The following FDFT1 variants were observed in gnomAD, a reference collection of about 807,000 sequenced individuals.
FDFT1 encodes squalene synthase.
Under a neutral mutation model 46.8 loss-of-function variants are expected in FDFT1, and 68 were observed. The ratio of observed to expected loss-of-function variants is 1.45; its 90% CI spans 1.19 to 1.78. The LOEUF is 1.78. Among genes scored for constraint, FDFT1 ranks in the 40% most tolerant of loss-of-function variants. The pLI, the probability that FDFT1 is intolerant of heterozygous loss-of-function variation, is 0.00. For synonymous variants in FDFT1, 351 were observed against 185.1 expected (o/e 1.90, Z -7.28); for missense variants, 928 against 524.4 (o/e 1.77, Z -7.52).
Position 11,838,851 on chromosome 8 carries a change from G to A in FDFT1, c.*242G>A. ...GATCACTGTGCTGCTTGTGGCTCAT[G>A]GCAGAGCATTCAGTGCCACGGTTTA... On this transcript the variant is annotated 3_prime_UTR_variant, in exon 8 of 8. Coordinates refer to ENST00000220584, the MANE Select transcript of FDFT1 (RefSeq NM_004462.5). 1.9e-6 allele frequency: 1 copy of A among 518,698 alleles called. No individual in the cohort carries two copies. The highest frequency in any genetic ancestry group is 2.1e-5 in the South Asian group (1 of 48,322). The allele number at this position is 518,698 out of a possible 1,614,324, so 32.1% of individuals were successfully genotyped here.
chr8:11,819,298 A>T (rs558483994), intron 3 of FDFT1, among the ~76,000 whole-genome samples: 1 of 151,978 alleles, frequency 6.6e-6, no homozygotes, highest in African/African-American at 2.4e-5. Context: ...CTTCATTTCA[A>T]CGTTGGTGAA....
rs760523381 is a variant in FDFT1 at position 11,826,071 on chromosome 8, T to G, written c.558T>G (p.Leu186=). The G allele has an allele frequency of 9.3e-6, 15 of 1,606,700 alleles. No individual in the cohort carries two copies. Among genetic ancestry groups the G allele is most frequent in the Non-Finnish European group, 1.1e-5 (13 of 1,174,284 alleles). The change falls in exon 5 of 8, where the codon CTT becomes CTG. Residue 186 remains leucine, a synonymous_variant. Transcript: ENST00000220584. ...TGGTCGGAATTGGCCTTTCCCGTCT[T>G]TTCTCAGCCTCAGAGTTTGAAGACC... ...AGLVGIGLSR[L]FSASEFEDPL...
chr8:11,834,292 C>G (rs1331238947), intron 7 of FDFT1, among the ~76,000 whole-genome samples: 7 of 152,214 alleles, frequency 4.6e-5, no homozygotes, highest in African/African-American at 1.7e-4. Context: ...GGAGCAGCCT[C>G]TGCTTCAAAC....
intron 5 of FDFT1, 69 bp downstream of exon 5, chr8:11,826,284 T>C: frequency 8.1e-7 from 1 of 1,241,722 alleles, no homozygotes; most frequent in Non-Finnish European, 1.1e-6. Flanking sequence ...TTAACTCTTG[T>C]GGTTGCGGGT....
upstream of FDFT1, among the ~76,000 whole-genome samples, chr8:11,801,081 A>G (rs1355078530): frequency 6.6e-6 from 1 of 152,172 alleles, no homozygotes; most frequent in Non-Finnish European, 1.5e-5. Context: ...GTGGGTCTAG[A>G]TGAGGTGTGA....
In FDFT1 at chr8:11,809,042, T is replaced by C. The variant is rs930205520; in HGVS notation, c.197+151T>C. 1.7e-5 allele frequency: 23 copies of C among 1,358,010 alleles called. No individual in the cohort carries two copies. In the South Asian group the frequency reaches 2.3e-4, roughly 14 times the overall value. 84.1% of individuals were successfully genotyped at this position (1,358,010 alleles called of 1,614,324 possible). ...ATAGCCCGGCCCTACGTGTTTACTT[T>C]AGAAAGCCCTTCCAGGCTCTTTGCC... On this transcript the variant is annotated intron_variant, in intron 2 of 7. Transcript: ENST00000220584.
At chr8:11,828,679 G>C (rs1225549600) in intron 5 of FDFT1, among the ~76,000 whole-genome samples, 1 of 152,196 alleles carries the variant, frequency 6.6e-6, no homozygotes, top group Admixed American at 6.5e-5. Context: ...ACCACACGGT[G>C]GTGGTGTGAA....
intron 2 of FDFT1, 100 bp from the exon 3 acceptor site, chr8:11,809,567 G>A: frequency 7.4e-7 from 1 of 1,346,656 alleles, no homozygotes. Context: ...TAGAGTTAAG[G>A]GTGAGATGGG....
intron 7 of FDFT1, among the ~76,000 whole-genome samples, chr8:11,833,227 A>G (rs1374619297): frequency 1.5e-4 from 23 of 152,180 alleles, no homozygotes; most frequent in Non-Finnish European, 1.6e-4. Flanking sequence ...ACTTTGATCT[A>G]TGTGCCTGGG....
chr8:11,827,153 T>G lies in FDFT1; in HGVS notation c.702+938T>G, dbSNP rs540799222. Among the ~76,000 whole-genome samples the G allele has an allele frequency of 2.0e-5, 3 of 152,266 alleles. No homozygotes were observed. The South Asian group carries it at 6.2e-4, about 32-fold the overall frequency. On this transcript the variant is annotated intron_variant, in intron 5 of 7. Transcript: ENST00000220584. ...ACCTTTTGCTTTCCATAAAAGTGTT[T>G]CCTGCAGCCAAGTACTTTAAAGTTT...
intron 7 of FDFT1, among the ~76,000 whole-genome samples, chr8:11,836,363 G>C (rs924310390): frequency 6.6e-6 from 1 of 152,208 alleles, no homozygotes; most frequent in African/African-American, 2.4e-5. Flanking sequence ...AAGTAGGGCT[G>C]GACCTTGCCT....
chr8:11,802,499 T>A (rs1563289823), upstream of FDFT1: 1 of 497,164 alleles, frequency 2.0e-6, no homozygotes. Context: ...AGGGCACCAA[T>A]CCCGCTCGTC....
Position 11,826,160 on chromosome 8 carries a change from T to C in FDFT1, c.647T>C (p.Ile216Thr). 1 of 1,602,120 alleles carries C rather than the reference T, an allele frequency of 6.2e-7. No individual in the cohort carries two copies. The highest frequency in any genetic ancestry group is 8.5e-7 in the Non-Finnish European group (1 of 1,170,940). Residue 216 changes from isoleucine to threonine, a missense_variant, in exon 5 of 8, where the codon ATC (isoleucine) becomes ACC (threonine). Physicochemically the swap from Ile to Thr is moderately conservative, Grantham distance 89. Coordinates refer to ENST00000220584, the MANE Select transcript of FDFT1 (RefSeq NM_004462.5). Reference protein sequence around the residue: ...SMGLFLQKTNIIRDYLEDQQG... With the variant: ...SMGLFLQKTNTIRDYLEDQQG... ...GGCCTGTTTTTGCAGAAAACAAACA[T>C]CATCCGTGACTATCTGGAAGACCAG... is the stretch of plus-strand genomic sequence containing the variant.
chr8:11,824,309 G>C (rs1809663292), intron 4 of FDFT1, among the ~76,000 whole-genome samples: 1 of 152,054 alleles, frequency 6.6e-6, no homozygotes, highest in Non-Finnish European at 1.5e-5. Flanking sequence ...TTGACAAATT[G>C]CTGTCGCGGA....
At chr8:11,825,159 C>G (rs1476489615) in intron 4 of FDFT1, among the ~76,000 whole-genome samples, 1 of 152,164 alleles carries the variant, frequency 6.6e-6, no homozygotes, top group Non-Finnish European at 1.5e-5. Flanking sequence ...AAAGATTAAA[C>G]CATAGTTGGT....
intron 7 of FDFT1, among the ~76,000 whole-genome samples, chr8:11,832,398 T>A (rs1810926157): frequency 6.6e-6 from 1 of 150,900 alleles, no homozygotes; most frequent in South Asian, 2.1e-4. Context: ...CTACAAAAAA[T>A]TTAAAAATTG....
At chr8:11,803,465 C>G (rs1333852549) in intron 1 of FDFT1, 2 of 1,273,808 alleles carry the variant, frequency 1.6e-6, no homozygotes, top group Non-Finnish European at 2.0e-6. Context: ...TCTACGCTTC[C>G]AAGTTCCAAT....
chr8:11,803,179 G>C (rs1308023706), intron 1 of FDFT1: 3 of 1,418,982 alleles, frequency 2.1e-6, no homozygotes, highest in Non-Finnish European at 1.9e-6. Context: ...GGTTCCCGGT[G>C]GTTGCGCTCC....
intron 5 of FDFT1, among the ~76,000 whole-genome samples, chr8:11,826,679 G>C (rs1365066316): frequency 6.6e-6 from 1 of 152,178 alleles, no homozygotes; most frequent in African/African-American, 2.4e-5. Flanking sequence ...GCCGGGCGTG[G>C]TGGCAAGGGC....
Sources: allele counts gnomAD v4.1 joint callset (sites outside exome capture counted in the v4.1 genomes callset), GRCh38; gene constraint gnomAD v4.1.1; transcripts MANE v1.5; gene names NCBI Gene and HGNC (gene_info 2026-07-23, HGNC 2026-07-21).